SPAM1: variants seen among roughly 807,000 people sequenced by gnomAD.
The protein encoded by SPAM1 is hyaluronidase PH-20.
SPAM1 carries 22 observed loss-of-function variants against 29.6 expected under a neutral mutation model. The observed-to-expected ratio is 0.74, with a 90% CI of 0.53 to 1.06. SPAM1 has a LOEUF of 1.06. Among genes scored for constraint, SPAM1 ranks in the 50% least tolerant of loss-of-function variants. The pLI is 0.00. For missense variants in SPAM1, 534 were observed against 604.0 expected (o/e 0.88, Z 1.21); for synonymous variants, 194 against 204.6 (o/e 0.95, Z 0.44).
downstream of SPAM1, among the ~76,000 whole-genome samples, chr7:123,963,300 A>T (rs561719536): frequency 3.3e-5 from 5 of 151,912 alleles, no homozygotes; most frequent in South Asian, 1.0e-3. Flanking sequence ...CTTGGTTTCT[A>T]ATCAGTAATG....
intron 1 of SPAM1, chr7:123,925,818 G>C (rs1315034197): frequency 6.6e-6 from 1 of 152,034 alleles, no homozygotes; most frequent in Non-Finnish European, 1.5e-5. Context: ...GTTGCGAGGT[G>C]CTGTGTCTTA....
intron 1 of SPAM1, among the ~76,000 whole-genome samples, chr7:123,932,930 G>A (rs1196699373): frequency 6.6e-6 from 1 of 152,122 alleles, no homozygotes; most frequent in Non-Finnish European, 1.5e-5. Flanking sequence ...CAGAACTGTA[G>A]GGAAAGAAAA....
At chr7:123,952,610 A>G (rs1178638969) in intron 2 of SPAM1, among the ~76,000 whole-genome samples, 1 of 152,138 alleles carries the variant, frequency 6.6e-6, no homozygotes. Context: ...ACTTTGTCAC[A>G]ATCAGAATCA....
At chr7:123,955,465 G>A (rs900075818) in intron 4 of SPAM1, among the ~76,000 whole-genome samples, 3 of 151,874 alleles carry the variant, frequency 2.0e-5, no homozygotes, top group Non-Finnish European at 4.4e-5. Context: ...CAACCTTGTT[G>A]ACTCAATAGG....
intron 1 of SPAM1, among the ~76,000 whole-genome samples, chr7:123,937,017 A>AC (rs755020808): frequency 1.1e-4 from 17 of 152,034 alleles, no homozygotes; most frequent in Non-Finnish European, 1.6e-4. Flanking sequence ...TATTGTTATT[A>AC]CCCCCAAGCA....
At chr7:123,970,733 CTT>C (rs936880152) in intron 6 of SPAM1, among the ~76,000 whole-genome samples, 2 of 151,718 alleles carry the variant, frequency 1.3e-5, no homozygotes, top group African/African-American at 4.8e-5. Context: ...TTAATAAAGA[CTT>C]TAACTTAGAT....
intron 2 of SPAM1, among the ~76,000 whole-genome samples, chr7:123,951,364 A>G (rs1294093333): frequency 6.6e-6 from 1 of 152,072 alleles, no homozygotes; most frequent in Non-Finnish European, 1.5e-5. Context: ...GGCAAATGTC[A>G]GCTTTTCTCT....
In SPAM1 at chr7:123,959,169, T is replaced by G. The variant is rs181273569; in HGVS notation, c.1045-315T>G. 2.5e-3 allele frequency among the ~76,000 whole-genome samples: 382 copies of G among 152,126 alleles called. 1 individual carries two copies. The highest frequency in any genetic ancestry group is 0.01 in the Middle Eastern group (3 of 294). On this transcript the variant is annotated intron_variant, in intron 4 of 4. Transcript: ENST00000682466. The stretch of plus-strand genomic sequence containing the variant: ...AGGGCAAATGTCCTAGAGAACATAC[T>G]CTAACACACTTTAACAGCTGTAGCA...
intron 1 of SPAM1, among the ~76,000 whole-genome samples, chr7:123,938,534 T>G (rs936698984): frequency 6.6e-6 from 1 of 152,228 alleles, no homozygotes; most frequent in African/African-American, 2.4e-5. Flanking sequence ...CAGCATTGGT[T>G]AATGTGCTTA....
At position 123,945,508 on chromosome 7, in the gene SPAM1, C is replaced by A. The variant is rs893533009; in HGVS notation, c.-318-4364C>A. Among the ~76,000 whole-genome samples, 8 of 152,082 alleles carry A rather than the reference C, an allele frequency of 5.3e-5. No individual in the cohort carries two copies. In the East Asian group the frequency reaches 1.5e-3, roughly 29 times the overall value. ...TCTCAGTACAAGGTAATCTTTGGTA[C>A]CCTCTAAAGCCAAAGAGGTCAGGTT... On this transcript the variant is annotated intron_variant, in intron 1 of 4. Transcript: ENST00000682466.
intron 1 of SPAM1, among the ~76,000 whole-genome samples, chr7:123,928,470 C>A (rs1807966343): frequency 6.6e-6 from 1 of 152,110 alleles, no homozygotes; most frequent in South Asian, 2.1e-4. Flanking sequence ...AAAGGTTTGC[C>A]AGTAAGAAGT....
intron 1 of SPAM1, among the ~76,000 whole-genome samples, chr7:123,948,973 CTTT>C (rs58149943): frequency 2.1e-5 from 3 of 141,260 alleles, no homozygotes; most frequent in Non-Finnish European, 3.1e-5. Context: ...AAATTTGGCT[CTTT>C]TTTTTTTTTT....
chr7:123,958,715 C>A (rs906914577), intron 4 of SPAM1, among the ~76,000 whole-genome samples: 5 of 151,628 alleles, frequency 3.3e-5, no homozygotes, highest in African/African-American at 1.2e-4. Context: ...GCCTATAGTT[C>A]CAGCTACTCA....
Position 123,950,921 on chromosome 7 carries a change from AT to A in SPAM1, c.-207+946del, listed in dbSNP as rs1411691413. On this transcript the variant is annotated intron_variant, in intron 2 of 4. Transcript: ENST00000682466. Reference sequence around the variant, plus strand: ...TCCTTTTTTCTGCATCCATGACAACATTTTTTTTGACTTTTTAGTAATAGCC... The same window carrying A: ...TCCTTTTTTCTGCATCCATGACAACATTTTTTTGACTTTTTAGTAATAGCC... 1.9e-4 allele frequency among the ~76,000 whole-genome samples: 29 copies of A among 151,654 alleles called. No individual in the cohort carries two copies. The South Asian group carries it at 5.6e-3, about 29-fold the overall frequency.
rs1416513723 is a variant in SPAM1 at position 123,966,978 on chromosome 7, T to C, written c.1486-3220T>C. ...GTAGGGAATAGGTTATCAAGGGCCGTCTGTTAATTATTTATATACTTTCAA... is the reference window on the plus strand; with the variant it reads ...GTAGGGAATAGGTTATCAAGGGCCGCCTGTTAATTATTTATATACTTTCAA... On this transcript the variant is annotated intron_variant, in intron 5 of 6. Coordinates refer to the SPAM1 transcript ENST00000340011. Among the ~76,000 whole-genome samples the C allele has an allele frequency of 2.0e-5, 3 of 151,970 alleles. No individual in the cohort carries two copies. The East Asian group carries it at 5.8e-4, about 29-fold the overall frequency.
chr7:123,947,111 G>A (rs1808600104), intron 1 of SPAM1, among the ~76,000 whole-genome samples: 2 of 151,964 alleles, frequency 1.3e-5, no homozygotes, highest in Admixed American at 6.6e-5. Flanking sequence ...TTTTGAAAAT[G>A]TTAATTTTAA....
At position 123,952,212 on chromosome 7, in the gene SPAM1, G is replaced by A. The variant is rs776429547; in HGVS notation, c.-206-1153G>A. On this transcript the variant is annotated intron_variant, in intron 2 of 4. Transcript: ENST00000682466. ...CTACTTTATATGTTCTAAACATGAG[G>A]GAAAATTCATTATCTTCAAAACATG... Among the ~76,000 whole-genome samples the A allele has an allele frequency of 1.0e-3, 159 of 151,920 alleles. 1 individual carries two copies. Among genetic ancestry groups the A allele is most frequent in the Admixed American group, 1.8e-3 (27 of 15,234 alleles).
At chr7:123,950,020 A>G (rs1808710348) in intron 2 of SPAM1, 37 bp downstream of exon 2, 1 of 152,030 alleles carries the variant, frequency 6.6e-6, no homozygotes, top group Non-Finnish European at 1.5e-5. Flanking sequence ...GATAGCAAAG[A>G]CTTAGCAGAA....
intron 4 of SPAM1, among the ~76,000 whole-genome samples, chr7:123,956,942 C>A (rs1395193511): frequency 6.6e-6 from 1 of 151,770 alleles, no homozygotes; most frequent in Non-Finnish European, 1.5e-5. Context: ...ATTAGAGAGC[C>A]AATTTTAATG....
Sources: gnomAD v4.1 joint callset for allele counts (sites outside exome capture counted in the v4.1 genomes callset) on GRCh38, gnomAD v4.1.1 for gene constraint, MANE v1.5 for transcripts, NCBI Gene and HGNC (gene_info 2026-07-23, HGNC 2026-07-21) for gene names.